The following STK39 variants were observed in gnomAD, a reference collection of about 807,000 sequenced individuals.
STK39 encodes the protein serine/threonine kinase 39, also known as STE20/SPS1-related proline-alanine-rich protein kinase.
A neutral mutation model predicts 77.8 loss-of-function variants in STK39; 20 were observed. That is an observed-to-expected ratio of 0.26 (90% confidence interval 0.18 to 0.37). The LOEUF is 0.37. STK39 is among the 10% of genes least tolerant of loss of function. The probability of loss-of-function intolerance (pLI) is 1.00; values close to 1 mark genes in which losing one functional copy is unlikely to be tolerated. For synonymous variants in STK39, 246 were observed against 234.1 expected (o/e 1.05, Z -0.47); for missense variants, 479 against 656.5 (o/e 0.73, Z 2.95).
At chr2:168,080,926 G>C (rs74377160) in intron 10 of STK39, among the ~76,000 whole-genome samples, 2,522 of 152,342 alleles carry the variant, frequency 0.017, 28 homozygotes, top group Non-Finnish European at 0.026. Flanking sequence ...ATGATGTTGA[G>C]CCTGTAGATG....
chr2:168,189,244 C>A (rs753614577), intron 1 of STK39, among the ~76,000 whole-genome samples: 1 of 152,136 alleles, frequency 6.6e-6, no homozygotes. Flanking sequence ...TCAGACCTCA[C>A]TGAAGACAAG....
intron 16 of STK39, among the ~76,000 whole-genome samples, chr2:168,008,703 C>A (rs568408945): frequency 6.6e-6 from 1 of 152,076 alleles, no homozygotes; most frequent in Non-Finnish European, 1.5e-5. Context: ...GGTCCTTGGA[C>A]ACATCAAGAT....
At chr2:168,159,465 C>A (rs1517343) in intron 5 of STK39, among the ~76,000 whole-genome samples, 75,529 of 151,916 alleles carry the variant, frequency 0.5, 18,964 homozygotes, top group East Asian at 0.63. Context: ...AAGTACCTGA[C>A]CAAGAAAGTC....
chr2:168,044,802 T>C (rs1275445377), intron 14 of STK39, among the ~76,000 whole-genome samples: 1 of 151,978 alleles, frequency 6.6e-6, no homozygotes, highest in Non-Finnish European at 1.5e-5. Context: ...AGAAGACAAA[T>C]AAGATTGGGA....
intron 14 of STK39, among the ~76,000 whole-genome samples, chr2:168,020,612 C>T (rs1684546555): frequency 1.3e-5 from 2 of 150,558 alleles, no homozygotes; most frequent in Admixed American, 6.6e-5. Flanking sequence ...ACATAATATA[C>T]ACATATATGT....
At chr2:168,142,355 C>T (rs1034603089) in intron 5 of STK39, among the ~76,000 whole-genome samples, 3 of 151,952 alleles carry the variant, frequency 2.0e-5, no homozygotes, top group South Asian at 2.1e-4. Context: ...AGAAGTTCAA[C>T]GATGAATCCA....
At chr2:168,137,204 G>A (rs539646598) in intron 8 of STK39, among the ~76,000 whole-genome samples, 2 of 152,306 alleles carry the variant, frequency 1.3e-5, no homozygotes, top group Non-Finnish European at 1.5e-5. Flanking sequence ...GAAAAAGAAA[G>A]TTTCAGAAGA....
At chr2:167,956,421 G>A (rs556370701) in intron 17 of STK39, among the ~76,000 whole-genome samples, 1 of 152,076 alleles carries the variant, frequency 6.6e-6, no homozygotes, top group Non-Finnish European at 1.5e-5. Context: ...GCCAGGTTTG[G>A]TGGCACACAC....
chr2:168,118,549 G>C (rs1202354350), intron 10 of STK39, among the ~76,000 whole-genome samples: 1 of 142,378 alleles, frequency 7.0e-6, no homozygotes, highest in African/African-American at 2.6e-5. Flanking sequence ...GATCCTCTCA[G>C]CTCCCAGTCA....
intron 10 of STK39, among the ~76,000 whole-genome samples, chr2:168,078,248 T>C (rs1398578789): frequency 1.3e-5 from 2 of 152,132 alleles, no homozygotes; most frequent in East Asian, 3.9e-4. Context: ...TTATTTTTAA[T>C]GAAAACCCGT....
chr2:168,165,407 T>C (rs535930001), intron 3 of STK39, among the ~76,000 whole-genome samples: 1 of 152,114 alleles, frequency 6.6e-6, no homozygotes, highest in East Asian at 1.9e-4. Flanking sequence ...TTTGGGACTA[T>C]TCAGGGTCTC....
intron 14 of STK39, among the ~76,000 whole-genome samples, chr2:168,055,720 A>G (rs756910477): frequency 4.6e-5 from 7 of 152,258 alleles, no homozygotes; most frequent in Non-Finnish European, 8.8e-5. Context: ...AATTTAAGTG[A>G]TAGATTTACC....
At chr2:168,209,504 C>A (rs1269364261) in intron 1 of STK39, among the ~76,000 whole-genome samples, 1 of 151,542 alleles carries the variant, frequency 6.6e-6, no homozygotes, top group East Asian at 1.9e-4. Flanking sequence ...TGGAGAAACC[C>A]CATCTCTACT....
intron 10 of STK39, among the ~76,000 whole-genome samples, chr2:168,102,895 A>C (rs1007911939): frequency 9.0e-5 from 12 of 133,888 alleles, no homozygotes; most frequent in Middle Eastern, 4.6e-3. Flanking sequence ...GCACCACTGC[A>C]CTCCAGCCTG....
chr2:168,191,512 CTA>C (rs1343835654), intron 1 of STK39, among the ~76,000 whole-genome samples: 1 of 152,156 alleles, frequency 6.6e-6, no homozygotes, highest in Non-Finnish European at 1.5e-5. Context: ...AAGAGGATAA[CTA>C]CACATCAGCC....
At chr2:167,997,209 A>T (rs1480007936) in intron 16 of STK39, among the ~76,000 whole-genome samples, 1 of 151,834 alleles carries the variant, frequency 6.6e-6, no homozygotes, top group African/African-American at 2.4e-5. Context: ...GTGGACTATA[A>T]GTAGGACAAC....
Position 167,964,718 on chromosome 2 carries a change from TAGC to T in STK39, c.1504_1506del (p.Ala502del). On this transcript the variant is annotated inframe_deletion, in exon 17 of 18. Transcript: ENST00000355999. ...GGATCATCTACAATCTTCTGTAAAT[TAGC>T]AGCCACTGTAAAATATAAACGTAGA... 2 of 1,610,766 alleles carry T rather than the reference TAGC, an allele frequency of 1.2e-6. No individual in the cohort carries two copies. The highest frequency in any genetic ancestry group is 1.7e-6 in the Non-Finnish European group (2 of 1,178,536).
intron 14 of STK39, among the ~76,000 whole-genome samples, chr2:168,050,411 A>G (rs552486204): frequency 1.3e-5 from 2 of 152,356 alleles, no homozygotes; most frequent in Admixed American, 6.5e-5. Context: ...TTAACTCTTC[A>G]TGGCAAAAAG....
intron 2 of STK39, among the ~76,000 whole-genome samples, chr2:168,178,456 T>C (rs570361949): frequency 2.6e-5 from 4 of 152,222 alleles, no homozygotes; most frequent in Non-Finnish European, 2.9e-5. Flanking sequence ...TCTAATCTAA[T>C]TGCTGTTAAA....
Sources: gnomAD v4.1 joint callset for allele counts (sites outside exome capture counted in the v4.1 genomes callset) on GRCh38, gnomAD v4.1.1 for gene constraint, MANE v1.5 for transcripts, NCBI Gene and HGNC (gene_info 2026-07-23, HGNC 2026-07-21) for gene names.